Variants in CYP51A1 observed in about 807,000 individuals in gnomAD.
CYP51A1 encodes the protein cytochrome P450 family 51 subfamily A member 1, also known as lanosterol 14-alpha demethylase.
In CYP51A1, 45 loss-of-function variants were observed where a neutral mutation model predicts 53.5. The observed-to-expected ratio is 0.84, with a 90% CI of 0.66 to 1.08. CYP51A1 has a LOEUF of 1.08. Among genes scored for constraint, CYP51A1 ranks in the 50% least tolerant of loss-of-function variants. The pLI is 0.00. For synonymous variants in CYP51A1, 181 were observed against 217.7 expected (o/e 0.83, Z 1.48); for missense variants, 462 against 621.7 (o/e 0.74, Z 2.73).
At chr7:92,129,103 C>T in intron 2 of CYP51A1, 47 bp from the exon 3 acceptor site, 1 of 1,276,152 alleles carries the variant, frequency 7.8e-7, no homozygotes. Flanking sequence ...AAATATGCAA[C>T]ACTACGACAG....
intron 7 of CYP51A1, among the ~76,000 whole-genome samples, chr7:92,119,382 A>G (rs1385164778): frequency 3.9e-5 from 6 of 152,192 alleles, no homozygotes; most frequent in Non-Finnish European, 8.8e-5. Context: ...CAGGTAGTGA[A>G]GGCAGACTTG....
At chr7:92,133,810 C>T (rs547888815) in intron 1 of CYP51A1, among the ~76,000 whole-genome samples, 1 of 152,330 alleles carries the variant, frequency 6.6e-6, no homozygotes, top group Non-Finnish European at 1.5e-5. Flanking sequence ...AACCCACAGC[C>T]GCCAATCCAG....
intron 9 of CYP51A1, among the ~76,000 whole-genome samples, chr7:92,114,784 G>A (rs1045592336): frequency 9.9e-5 from 15 of 152,142 alleles, no homozygotes; most frequent in Admixed American, 7.9e-4. Context: ...TTAAAAGATT[G>A]ATACATTGGA....
At position 92,113,810 on chromosome 7, in the gene CYP51A1, T is replaced by C. The variant is rs1274304469; in HGVS notation, c.1385A>G (p.Tyr462Cys). ...RHRCIGENFA[Y>C]VQIKTIWSTM... ...GGACCAAATTGTCTTAATTTGAACA[T>C]AGGCAAAATTTTCCCCAATACAACG... Residue 462 changes from tyrosine (Y) to cysteine (C), a missense_variant, in exon 10 of 10, where the codon TAT (tyrosine) becomes TGT (cysteine). Tyr to Cys is a radical substitution (Grantham distance 194). Coordinates refer to ENST00000003100, the MANE Select transcript of CYP51A1 (RefSeq NM_000786.4). The C allele has an allele frequency of 1.9e-6, 3 of 1,607,004 alleles. No individual in the cohort carries two copies. The highest frequency in any genetic ancestry group is 1.7e-6 in the Non-Finnish European group (2 of 1,177,944).
At chr7:92,133,522 C>G (rs1416846553) in intron 1 of CYP51A1, among the ~76,000 whole-genome samples, 1 of 152,228 alleles carries the variant, frequency 6.6e-6, no homozygotes, top group East Asian at 1.9e-4. Flanking sequence ...CCGCTTCGGC[C>G]TCCCGAAGTG....
chr7:92,134,486 C>G (rs1047566283), upstream of CYP51A1: 10 of 1,076,740 alleles, frequency 9.3e-6, no homozygotes, highest in Admixed American at 3.0e-5. Context: ...CTAAACCCAG[C>G]CCCACCCCTC....
chr7:92,123,402 C>T lies in CYP51A1; in HGVS notation c.891-87G>A, dbSNP rs2130949099. The T allele has an allele frequency of 4.3e-6, 5 of 1,157,442 alleles. No homozygotes were observed. In the East Asian group the frequency reaches 7.1e-5, roughly 16 times the overall value. 71.7% of individuals were successfully genotyped at this position (1,157,442 alleles called of 1,614,324 possible). A position where few individuals can be genotyped will look rare whatever the true frequency, so the allele number is the denominator to read the frequency against. ...TTTAAATAAAGTGTCATAATGAATA[C>T]ATTTTTCAGGTATAGTGGTCTCTTA... On this transcript the variant is annotated intron_variant, in intron 6 of 9. Transcript: ENST00000003100.
At chr7:92,126,696 G>C (rs527529913) in intron 4 of CYP51A1, among the ~76,000 whole-genome samples, 1 of 152,162 alleles carries the variant, frequency 6.6e-6, no homozygotes, top group East Asian at 1.9e-4. Flanking sequence ...GAATAAATGT[G>C]GTTATTTGAT....
intron 9 of CYP51A1, 147 bp from the exon 10 acceptor site, chr7:92,113,990 G>T: frequency 1.8e-6 from 1 of 559,070 alleles, no homozygotes; most frequent in Non-Finnish European, 3.0e-6. Context: ...AAAACAACAT[G>T]AATTATTAAA....
At chr7:92,133,469 G>C (rs1178675664) in intron 1 of CYP51A1, among the ~76,000 whole-genome samples, 1 of 152,170 alleles carries the variant, frequency 6.6e-6, no homozygotes, top group Non-Finnish European at 1.5e-5. Context: ...GTTTCTCCAT[G>C]TTGTTCAGGC....
Position 92,128,428 on chromosome 7 carries a change from C to CTGTGTGTGTGTGTGTG in CYP51A1, c.468+436_468+451dup, listed in dbSNP as rs1554479142. Among the ~76,000 whole-genome samples, 14 of 143,130 alleles carry CTGTGTGTGTGTGTGTG rather than the reference C, an allele frequency of 9.8e-5. No individual in the cohort carries two copies. In the East Asian group the frequency reaches 1.6e-3, roughly 17 times the overall value. 93.9% of individuals were successfully genotyped at this position (143,130 alleles called of 152,430 possible). A position where few individuals can be genotyped will look rare whatever the true frequency, so the allele number is the denominator to read the frequency against. Reference sequence around the variant, plus strand: ...TATTACATTTTTGTTTGGTTGGTTTCTGTGTGTGTGTGTGTGTGTGTGTGT... The same window carrying CTGTGTGTGTGTGTGTG: ...TATTACATTTTTGTTTGGTTGGTTTCTGTGTGTGTGTGTGTGTGTGTGTGTGTGTGTGTGTGTGTGT... On this transcript the variant is annotated intron_variant, in intron 3 of 9. Coordinates refer to ENST00000003100, the MANE Select transcript of CYP51A1 (RefSeq NM_000786.4).
chr7:92,120,152 T>G (rs1211516430), intron 7 of CYP51A1, among the ~76,000 whole-genome samples: 3 of 152,184 alleles, frequency 2.0e-5, no homozygotes, highest in African/African-American at 4.8e-5. Context: ...AGACATCTCA[T>G]GTTCACAGAT....
At chr7:92,130,721 A>C (rs1819899768) in intron 2 of CYP51A1, among the ~76,000 whole-genome samples, 1 of 152,244 alleles carries the variant, frequency 6.6e-6, no homozygotes, top group Non-Finnish European at 1.5e-5. Context: ...TGAATGTTTT[A>C]ATAATTGTCT....
chr7:92,126,853 C>A (rs146233190), intron 4 of CYP51A1, among the ~76,000 whole-genome samples: 40 of 152,224 alleles, frequency 2.6e-4, no homozygotes, highest in Middle Eastern at 6.8e-3. Context: ...GAATTACTGG[C>A]GATATGTAAA....
intron 3 of CYP51A1, among the ~76,000 whole-genome samples, chr7:92,128,326 A>G (rs1244564684): frequency 1.3e-5 from 2 of 151,984 alleles, no homozygotes; most frequent in Admixed American, 6.6e-5. Context: ...AATACCCATT[A>G]CTTATCAGTT....
intron 4 of CYP51A1, among the ~76,000 whole-genome samples, chr7:92,127,288 C>G (rs968339446): frequency 6.6e-6 from 1 of 152,178 alleles, no homozygotes; most frequent in African/African-American, 2.4e-5. Context: ...ATGGGCACAG[C>G]AATTGCTTCT....
At chr7:92,120,162 T>C (rs1030289479) in intron 7 of CYP51A1, among the ~76,000 whole-genome samples, 3 of 150,000 alleles carry the variant, frequency 2.0e-5, no homozygotes, top group Non-Finnish European at 4.5e-5. Flanking sequence ...TGTTCACAGA[T>C]TTAAAGACTA....
chr7:92,134,049 G>T, intron 1 of CYP51A1, 124 bp downstream of exon 1: 1 of 897,360 alleles, frequency 1.1e-6, no homozygotes. Flanking sequence ...GCCAAGCATG[G>T]CCGCAGTCGC....
chr7:92,134,728 G>A (rs1171779811), upstream of CYP51A1: 1 of 232,228 alleles, frequency 4.3e-6, no homozygotes, highest in African/African-American at 2.3e-5. Context: ...CCGGGTGCGG[G>A]GTGCCGGGAC....
Sources: allele counts gnomAD v4.1 joint callset (sites outside exome capture counted in the v4.1 genomes callset), GRCh38; gene constraint gnomAD v4.1.1; transcripts MANE v1.5; gene names NCBI Gene and HGNC (gene_info 2026-07-23, HGNC 2026-07-21).